Variants in ERCC6L2 observed in about 807,000 individuals in gnomAD.
ERCC6L2 encodes ERCC excision repair 6 like 2, also known as DNA excision repair protein ERCC-6-like 2.
Under a neutral mutation model 132.0 loss-of-function variants are expected in ERCC6L2, and 77 were observed. The ratio of observed to expected loss-of-function variants is 0.58; its 90% CI spans 0.49 to 0.71. The LOEUF is 0.71. ERCC6L2 is among the 30% of genes least tolerant of loss of function. The pLI is 0.00. For synonymous variants in ERCC6L2, 583 were observed against 632.4 expected (o/e 0.92, Z 1.17); for missense variants, 1,542 against 1,837.6 (o/e 0.84, Z 2.94).
At chr9:95,963,946 A>G (rs1832033893) in intron 13 of ERCC6L2, among the ~76,000 whole-genome samples, 1 of 152,104 alleles carries the variant, frequency 6.6e-6, no homozygotes, top group Non-Finnish European at 1.5e-5. Context: ...TCGCAGGTCA[A>G]GTTTGTGTCT....
intron 19 of ERCC6L2, among the ~76,000 whole-genome samples, chr9:96,033,035 C>T (rs1834480114): frequency 6.6e-6 from 1 of 152,210 alleles, no homozygotes; most frequent in Non-Finnish European, 1.5e-5. Flanking sequence ...GCAATCAAAG[C>T]TTTCATGGAA....
At chr9:95,919,822 G>A (rs1334998567) in intron 6 of ERCC6L2, among the ~76,000 whole-genome samples, 2 of 152,182 alleles carry the variant, frequency 1.3e-5, no homozygotes, top group African/African-American at 4.8e-5. Flanking sequence ...TTCAAGAGAC[G>A]GATCTTGGAG....
At chr9:95,891,285 A>T (rs541234888) in intron 2 of ERCC6L2, among the ~76,000 whole-genome samples, 1 of 152,334 alleles carries the variant, frequency 6.6e-6, no homozygotes, top group Non-Finnish European at 1.5e-5. Context: ...CATACTTTTT[A>T]ACTTTTTTCT....
intron 5 of ERCC6L2, 148 bp downstream of exon 5, chr9:95,915,977 G>A: frequency 3.6e-6 from 3 of 839,668 alleles, no homozygotes; most frequent in Non-Finnish European, 5.4e-6. Context: ...ACACAGTAGA[G>A]AGTCCCATGA....
At position 95,923,270 on chromosome 9, in the gene ERCC6L2, T is replaced by C. The variant is rs538483289; in HGVS notation, c.1424T>C (p.Ile475Thr). 5.6e-6 allele frequency: 9 copies of C among 1,612,872 alleles called. No homozygotes were observed. In the East Asian group the frequency reaches 6.7e-5, roughly 12 times the overall value. ...ASTSKQQETL[I>T]KRICDQVFSR... is the part of the protein sequence containing the mutation. ...CCTTTTCCCTTCAAGGAAACACTTA[T>C]CAAAAGGATATGTGATCAGGTATTT... The change falls in exon 9 of 19, where the codon ATC becomes ACC. Residue 475 changes from isoleucine (I) to threonine (T), a missense_variant. Coordinates refer to ENST00000653738, the MANE Select transcript of ERCC6L2 (RefSeq NM_020207.7).
chr9:95,970,007 T>C (rs1265649112), intron 14 of ERCC6L2, among the ~76,000 whole-genome samples: 1 of 152,178 alleles, frequency 6.6e-6, no homozygotes, highest in Non-Finnish European at 1.5e-5. Context: ...AAAGTCCAAA[T>C]ACTTTCCCAA....
In ERCC6L2 at chr9:96,029,680, C is replaced by T. The variant is rs1455094877; in HGVS notation, c.*1504-9196C>T. On this transcript the variant is annotated intron_variant and NMD_transcript_variant, in intron 19 of 20. Transcript: ENST00000670016. ...CACCAAGTCGTCTTAGCTTACTTCA[C>T]GTCTGTTTGGTTCTCATATTTATCT... Among the ~76,000 whole-genome samples, 5 of 152,356 alleles carry T rather than the reference C, an allele frequency of 3.3e-5. No homozygotes were observed. In the East Asian group the frequency reaches 7.7e-4, roughly 23 times the overall value.
intron 16 of ERCC6L2, among the ~76,000 whole-genome samples, chr9:95,973,773 ACTAGGTATTATGG>A (rs1278994944): frequency 6.6e-6 from 1 of 152,150 alleles, no homozygotes; most frequent in Non-Finnish European, 1.5e-5. Context: ...AAACCATATC[ACTAGGTATTATGG>A]TTCAGTCTCA....
intron 19 of ERCC6L2, among the ~76,000 whole-genome samples, chr9:96,031,068 G>A (rs867401425): frequency 1.3e-5 from 2 of 152,094 alleles, no homozygotes; most frequent in African/African-American, 4.8e-5. Flanking sequence ...AACAAGTCCC[G>A]GACACATTTT....
At chr9:96,039,778 G>C (rs542542357) in intron 20 of ERCC6L2, among the ~76,000 whole-genome samples, 2 of 152,274 alleles carry the variant, frequency 1.3e-5, no homozygotes, top group South Asian at 4.2e-4. Context: ...CAGGGAGTGA[G>C]AAGGGTCTCT....
At chr9:96,038,771 AG>A in intron 19 of ERCC6L2, 2 of 430,850 alleles carry the variant, frequency 4.6e-6, no homozygotes, top group South Asian at 3.3e-5. Context: ...TCTTTTCAAA[AG>A]GTGGAGTCTA....
At chr9:96,032,457 GA>G (rs1413574355) in intron 19 of ERCC6L2, among the ~76,000 whole-genome samples, 1 of 152,192 alleles carries the variant, frequency 6.6e-6, no homozygotes, top group African/African-American at 2.4e-5. Flanking sequence ...GAATTGGCTG[GA>G]GGGCCATAGC....
rs200014807 is a variant in ERCC6L2 at position 95,937,054 on chromosome 9, T to A, written c.1752-4400T>A. On this transcript the variant is annotated intron_variant, in intron 11 of 18. Coordinates refer to ENST00000653738, the MANE Select transcript of ERCC6L2 (RefSeq NM_020207.7). ...AAGGGCATCTGGGTTGTTTCCAGTTTTCGGCTGTGACAGATAAAGCTATTA... is the reference window on the plus strand; with the variant it reads ...AAGGGCATCTGGGTTGTTTCCAGTTATCGGCTGTGACAGATAAAGCTATTA... Among the ~76,000 whole-genome samples, 21 of 152,338 alleles carry A rather than the reference T, an allele frequency of 1.4e-4. No homozygotes were observed. In the East Asian group the frequency reaches 3.3e-3, roughly 24 times the overall value.
chr9:95,916,168 A>C, intron 5 of ERCC6L2, 59 bp from the exon 6 acceptor site: 2 of 1,469,142 alleles, frequency 1.4e-6, no homozygotes, highest in African/African-American at 2.8e-5. Context: ...TCTTAGAAGC[A>C]AGAAGTTAGT....
chr9:95,997,074 TA>T (rs1373394372), intron 17 of ERCC6L2, among the ~76,000 whole-genome samples: 1 of 152,144 alleles, frequency 6.6e-6, no homozygotes, highest in Non-Finnish European at 1.5e-5. Context: ...CTCTAAAAAT[TA>T]AATTTGAAAA....
At chr9:95,983,360 C>T (rs556994696) in intron 17 of ERCC6L2, among the ~76,000 whole-genome samples, 3 of 152,158 alleles carry the variant, frequency 2.0e-5, no homozygotes, top group Admixed American at 6.5e-5. Flanking sequence ...AACTCTTCTC[C>T]CAGCTGGTCA....
chr9:95,894,847 C>T (rs1442305821), intron 2 of ERCC6L2, among the ~76,000 whole-genome samples: 6 of 152,082 alleles, frequency 3.9e-5, no homozygotes, highest in Admixed American at 3.9e-4. Flanking sequence ...CCGCCCGCCT[C>T]GGCCTCCCAA....
intron 13 of ERCC6L2, among the ~76,000 whole-genome samples, chr9:95,958,835 T>C (rs377387723): frequency 6.6e-6 from 1 of 152,078 alleles, no homozygotes; most frequent in East Asian, 1.9e-4. Context: ...GTGAAGGACC[T>C]CTTCAAGGAG....
chr9:95,972,034 G>C lies in ERCC6L2; in HGVS notation c.2283G>C (p.Glu761Asp). Residue 761 changes from glutamate (E) to aspartate (D), a missense_variant, in exon 16 of 19, where the codon GAG becomes GAC. Glu to Asp is a conservative substitution (Grantham distance 45). This residue lies in a region of ERCC6L2 where 945 missense variants were observed against 1,105.2 expected (regional missense o/e 0.86). Transcript: ENST00000653738. Reference sequence around the variant, plus strand: ...TCTGCAGTGACTTCAGTGATGAAGAGCCAGTGGGAGCCACAGGAATAAAGA... The same window carrying C: ...TCTGCAGTGACTTCAGTGATGAAGACCCAGTGGGAGCCACAGGAATAAAGA... ...CDLCSDFSDE[E>D]PVGATGIKTA... 1 of 1,304,246 alleles carries C rather than the reference G, an allele frequency of 7.7e-7. No homozygotes were observed. The highest frequency in any genetic ancestry group is 5.5e-5 in the East Asian group (1 of 18,024). 80.8% of individuals were successfully genotyped at this position (1,304,246 alleles called of 1,614,324 possible). A position where few individuals can be genotyped will look rare whatever the true frequency, so the allele number is the denominator to read the frequency against.
Sources: allele counts gnomAD v4.1 joint callset (sites outside exome capture counted in the v4.1 genomes callset), GRCh38; gene constraint gnomAD v4.1.1; regional missense constraint gnomAD v4.1.1; transcripts MANE v1.5; gene names NCBI Gene and HGNC (gene_info 2026-07-23, HGNC 2026-07-21).